WDR7: variants seen among roughly 807,000 people sequenced by gnomAD.
The protein encoded by WDR7 is WD repeat-containing protein 7.
A neutral mutation model predicts 169.4 loss-of-function variants in WDR7; 46 were observed. The ratio of observed to expected loss-of-function variants is 0.27; its 90% CI spans 0.21 to 0.35. The LOEUF is 0.35. WDR7 is among the 10% of genes least tolerant of loss of function. The probability of loss-of-function intolerance (pLI) is 1.00; values close to 1 mark genes in which losing one functional copy is unlikely to be tolerated. For missense variants in WDR7, 1,534 were observed against 1,859.3 expected (o/e 0.83, Z 3.22); for synonymous variants, 612 against 666.8 (o/e 0.92, Z 1.27).
intron 16 of WDR7, among the ~76,000 whole-genome samples, chr18:56,765,753 G>A (rs1327132234): frequency 6.6e-6 from 1 of 151,818 alleles, no homozygotes; most frequent in Non-Finnish European, 1.5e-5. Flanking sequence ...CTAACAAAAG[G>A]ACTTACTTTA....
At chr18:56,669,410 C>G (rs1012715794) in intron 1 of WDR7, among the ~76,000 whole-genome samples, 1 of 152,050 alleles carries the variant, frequency 6.6e-6, no homozygotes, top group African/African-American at 2.4e-5. Flanking sequence ...GAAGTAGAAT[C>G]TAGAATTACT....
intron 8 of WDR7, 57 bp downstream of exon 8, chr18:56,691,418 G>C: frequency 2.7e-6 from 4 of 1,501,790 alleles, no homozygotes; most frequent in East Asian, 2.5e-5. Context: ...TCAGAATTTA[G>C]GGTACAACCT....
chr18:56,904,449 A>C (rs1183314932), intron 21 of WDR7, among the ~76,000 whole-genome samples: 1 of 152,180 alleles, frequency 6.6e-6, no homozygotes, highest in East Asian at 1.9e-4. Flanking sequence ...TTCTGCATTT[A>C]AGCTTAATTA....
At chr18:56,908,341 G>A (rs1599148131) in intron 21 of WDR7, among the ~76,000 whole-genome samples, 1 of 152,238 alleles carries the variant, frequency 6.6e-6, no homozygotes, top group East Asian at 1.9e-4. Flanking sequence ...CCATCCTTGG[G>A]AAACTCTGCC....
At chr18:56,908,702 T>A (rs1372328999) in intron 21 of WDR7, among the ~76,000 whole-genome samples, 1 of 152,200 alleles carries the variant, frequency 6.6e-6, no homozygotes, top group Non-Finnish European at 1.5e-5. Context: ...CTCACAAGTC[T>A]GTTTTCAGAA....
chr18:56,821,831 CA>C (rs1019351543), intron 20 of WDR7, among the ~76,000 whole-genome samples: 23 of 142,222 alleles, frequency 1.6e-4, no homozygotes, highest in Admixed American at 2.1e-4. Context: ...CCTATCTCTA[CA>C]AAAAAAAAAA....
At chr18:56,957,934 A>G (rs752549640) in intron 25 of WDR7, among the ~76,000 whole-genome samples, 8 of 152,160 alleles carry the variant, frequency 5.3e-5, no homozygotes, top group Non-Finnish European at 1.0e-4. Context: ...ACAGGTTTCT[A>G]TCTTTCTCCC....
At chr18:56,845,141 G>T (rs555373243) in intron 20 of WDR7, among the ~76,000 whole-genome samples, 36 of 152,076 alleles carry the variant, frequency 2.4e-4, no homozygotes, top group African/African-American at 8.2e-4. Context: ...ACAATGATTT[G>T]GTTGGAATGA....
At chr18:56,829,020 C>T (rs2045262507) in intron 20 of WDR7, among the ~76,000 whole-genome samples, 1 of 150,940 alleles carries the variant, frequency 6.6e-6, no homozygotes, top group African/African-American at 2.4e-5. Context: ...CCCTTAGGAA[C>T]ATGCTGCTCA....
intron 20 of WDR7, among the ~76,000 whole-genome samples, chr18:56,822,254 T>A (rs1419248474): frequency 6.6e-6 from 1 of 152,214 alleles, no homozygotes; most frequent in East Asian, 1.9e-4. Context: ...TACTAAACTG[T>A]CAGTTTATTA....
chr18:56,857,450 G>T (rs2045738596), intron 20 of WDR7, among the ~76,000 whole-genome samples: 1 of 152,076 alleles, frequency 6.6e-6, no homozygotes, highest in East Asian at 1.9e-4. Context: ...GTAGAGATTG[G>T]TTCTCTGTGT....
chr18:56,822,928 A>C (rs907186874), intron 20 of WDR7, among the ~76,000 whole-genome samples: 130 of 152,172 alleles, frequency 8.5e-4, no homozygotes, highest in African/African-American at 3.0e-3. Flanking sequence ...CTTTTTTAAA[A>C]AAAATCTGGG....
chr18:56,993,921 C>T (rs181016351), intron 26 of WDR7, among the ~76,000 whole-genome samples: 81 of 152,230 alleles, frequency 5.3e-4, no homozygotes, highest in Non-Finnish European at 1.0e-3. Context: ...CACTAGTATA[C>T]CGCTTACTTT....
intron 12 of WDR7, among the ~76,000 whole-genome samples, chr18:56,710,444 C>G (rs779325964): frequency 4.6e-5 from 7 of 152,070 alleles, no homozygotes; most frequent in Non-Finnish European, 8.8e-5. Flanking sequence ...ACTTATTTTG[C>G]TTATTCATGA....
chr18:56,882,251 A>G (rs2046119453), intron 21 of WDR7, among the ~76,000 whole-genome samples: 3 of 152,210 alleles, frequency 2.0e-5, no homozygotes, highest in Admixed American at 1.3e-4. Context: ...GACTTAACAT[A>G]TGTAGAGCAG....
At chr18:56,711,939 T>G (rs1444914807) in intron 12 of WDR7, among the ~76,000 whole-genome samples, 1 of 152,088 alleles carries the variant, frequency 6.6e-6, no homozygotes, top group East Asian at 1.9e-4. Flanking sequence ...CAAAAGAAAC[T>G]GGTCATTTAC....
chr18:56,684,744 AGGT>A (rs138827260), intron 5 of WDR7, among the ~76,000 whole-genome samples: 1,850 of 152,334 alleles, frequency 0.012, 53 homozygotes, highest in African/African-American at 0.043. Context: ...TTTGTCAAAA[AGGT>A]GGGATCTCTG....
chr18:56,777,054 A>G (rs186079538), intron 17 of WDR7, among the ~76,000 whole-genome samples, 174 bp downstream of exon 17: 1 of 152,354 alleles, frequency 6.6e-6, no homozygotes, highest in East Asian at 1.9e-4. Flanking sequence ...TAAAAATGTA[A>G]TGTTACCTCT....
chr18:56,809,424 CAGAA>C (rs1402097138), intron 19 of WDR7, among the ~76,000 whole-genome samples: 4 of 151,974 alleles, frequency 2.6e-5, no homozygotes, highest in African/African-American at 9.7e-5. Flanking sequence ...TGGAAATACT[CAGAA>C]AGTAAGTAAA....
Sources: gnomAD v4.1 joint callset for allele counts (sites outside exome capture counted in the v4.1 genomes callset) on GRCh38, gnomAD v4.1.1 for gene constraint, MANE v1.5 for transcripts, NCBI Gene and HGNC (gene_info 2026-07-23, HGNC 2026-07-21) for gene names.